The following PCDHA4 variants were observed in gnomAD, a reference collection of about 807,000 sequenced individuals.
PCDHA4 encodes the protein protocadherin alpha 4.
PCDHA4 carries 49 observed loss-of-function variants against 61.4 expected under a neutral mutation model. The observed-to-expected ratio is 0.80, with a 90% CI of 0.63 to 1.01. PCDHA4 has a LOEUF of 1.01. PCDHA4 is among the 50% of genes least tolerant of loss of function. The pLI is 0.00. For missense variants in PCDHA4, 1,254 were observed against 1,235.8 expected, an observed-to-expected ratio of 1.01 and a Z score of -0.22; for synonymous variants, 590 against 550.3, an observed-to-expected ratio of 1.07 and a Z score of -1.01.
chr5:140,951,365 A>G (rs987513388), intron 1 of PCDHA4, among the ~76,000 whole-genome samples: 17 of 152,160 alleles, frequency 1.1e-4, no homozygotes, highest in African/African-American at 4.1e-4. Context: ...ACTGTTATAA[A>G]GAAACACCCA....
At chr5:140,843,222 C>G in intron 1 of PCDHA4, 1 of 1,596,168 alleles carries the variant, frequency 6.3e-7, no homozygotes, top group Non-Finnish European at 8.6e-7. Flanking sequence ...ATCAGCACCA[C>G]TCGTGTCCTG....
intron 1 of PCDHA4, chr5:140,858,229 G>A (rs1335853818): frequency 6.3e-7 from 1 of 1,596,360 alleles, no homozygotes. Context: ...CGCCCACCGA[G>A]GGCGCATGTG....
chr5:140,858,871 T>A (rs1000901337), intron 1 of PCDHA4: 6 of 248,826 alleles, frequency 2.4e-5, no homozygotes, highest in African/African-American at 1.2e-4. Context: ...TGAAAATGTG[T>A]TTTCCTCCAT....
intron 1 of PCDHA4, among the ~76,000 whole-genome samples, chr5:140,900,073 G>C (rs1490261769): frequency 6.6e-6 from 1 of 152,072 alleles, no homozygotes; most frequent in South Asian, 2.1e-4. Context: ...GCCTCCAAAA[G>C]TGCTGCAGTT....
intron 1 of PCDHA4, among the ~76,000 whole-genome samples, chr5:140,963,188 G>A (rs1333064851): frequency 6.6e-6 from 1 of 151,712 alleles, no homozygotes; most frequent in African/African-American, 2.4e-5. Context: ...GCTGTAGACT[G>A]TGAAAATGAA....
intron 1 of PCDHA4, chr5:140,926,257 C>CT (rs1336723706): frequency 4.6e-5 from 7 of 152,300 alleles, no homozygotes; most frequent in African/African-American, 1.7e-4. Flanking sequence ...ACCGTCCCGC[C>CT]TCTCGCCGCC....
At chr5:140,858,256 G>T in intron 1 of PCDHA4, 1 of 1,596,658 alleles carries the variant, frequency 6.3e-7, no homozygotes. Flanking sequence ...TGAAGCCCAC[G>T]CTGGTGTGCT....
rs781863404 is a variant in PCDHA4, at chr5:141,010,259, G to C, written c.*322G>C. 6.4e-7 allele frequency: 1 copy of C among 1,551,820 alleles called. No individual in the cohort carries two copies. The highest frequency in any genetic ancestry group is 1.2e-5 in the South Asian group (1 of 84,074). On this transcript the variant is annotated 3_prime_UTR_variant, in exon 4 of 4. Coordinates refer to ENST00000530339, the MANE Select transcript of PCDHA4 (RefSeq NM_018907.4). Reference sequence around the variant, plus strand: ...TGAGAGGTTGGACTCTCTGCCCTGTGCTCCGGGGATCCTGTCTTGATGACA... The same window carrying C: ...TGAGAGGTTGGACTCTCTGCCCTGTCCTCCGGGGATCCTGTCTTGATGACA...
intron 1 of PCDHA4, chr5:140,882,952 G>A (rs782634608): frequency 3.7e-6 from 6 of 1,614,048 alleles, no homozygotes; most frequent in Non-Finnish European, 5.1e-6. Flanking sequence ...CAGTTCAGCT[G>A]CTCATCACGA....
intron 1 of PCDHA4, chr5:140,877,827 T>C (rs1554170143): frequency 1.2e-6 from 2 of 1,601,676 alleles, no homozygotes; most frequent in Middle Eastern, 1.7e-4. Flanking sequence ...ATTGTTTAAA[T>C]CCTCCCAGTG....
At chr5:140,882,538 C>T (rs782086663) in intron 1 of PCDHA4, 2 of 1,614,170 alleles carry the variant, frequency 1.2e-6, no homozygotes, top group Non-Finnish European at 1.7e-6. Flanking sequence ...ATTCTCGGAT[C>T]GACCGCGAGG....
At position 141,010,080 on chromosome 5, in the gene PCDHA4, G is replaced by C. The variant is rs2098415967; in HGVS notation, c.*143G>C. On this transcript the variant is annotated 3_prime_UTR_variant, in exon 4 of 4. Transcript: ENST00000530339. The stretch of plus-strand genomic sequence containing the variant: ...AATCTGCAGAAAGTTCCCTGTGTCT[G>C]TCTAGAACGCATTTAACAGGTTTTG... 1 of 1,611,462 alleles carries C rather than the reference G, an allele frequency of 6.2e-7. No homozygotes were observed. The highest frequency in any genetic ancestry group is 1.1e-5 in the South Asian group (1 of 90,590).
intron 1 of PCDHA4, chr5:140,928,490 CT>C: frequency 1.2e-6 from 2 of 1,614,150 alleles, no homozygotes; most frequent in Non-Finnish European, 1.7e-6. Context: ...GGTGGCATTC[CT>C]CCCAGAAGTG....
chr5:140,886,996 T>C (rs1554182808), intron 1 of PCDHA4, among the ~76,000 whole-genome samples: 1 of 152,182 alleles, frequency 6.6e-6, no homozygotes, highest in African/African-American at 2.4e-5. Flanking sequence ...AATTTCCAGT[T>C]GGTATCACTT....
At chr5:140,880,958 G>T (rs1208694420) in intron 1 of PCDHA4, among the ~76,000 whole-genome samples, 1 of 152,010 alleles carries the variant, frequency 6.6e-6, no homozygotes, top group African/African-American at 2.4e-5. Flanking sequence ...GGATGATGAG[G>T]GTAAGAGAAT....
At chr5:140,858,604 AT>A (rs2045515312) in intron 1 of PCDHA4, 6 of 1,276,538 alleles carry the variant, frequency 4.7e-6, no homozygotes, top group Non-Finnish European at 6.4e-6. Flanking sequence ...GAGTTTTAAA[AT>A]TTTTTTATCC....
intron 1 of PCDHA4, among the ~76,000 whole-genome samples, chr5:140,948,219 T>G (rs1285446038): frequency 6.6e-6 from 1 of 151,682 alleles, no homozygotes; most frequent in Non-Finnish European, 1.5e-5. Context: ...CAAACATTGT[T>G]AGATTTAACT....
At chr5:140,964,473 T>G (rs1457345251) in intron 1 of PCDHA4, among the ~76,000 whole-genome samples, 13 of 152,068 alleles carry the variant, frequency 8.5e-5, no homozygotes, top group African/African-American at 3.1e-4. Flanking sequence ...TGCCTATGAT[T>G]TTTTCACAGT....
chr5:141,000,828 G>A (rs1244334845), intron 3 of PCDHA4, among the ~76,000 whole-genome samples: 2 of 151,966 alleles, frequency 1.3e-5, no homozygotes, highest in African/African-American at 4.8e-5. Flanking sequence ...GATCACTTGA[G>A]TCCAGGAGAT....
Sources: allele counts gnomAD v4.1 joint callset (sites outside exome capture counted in the v4.1 genomes callset), GRCh38; gene constraint gnomAD v4.1.1; transcripts MANE v1.5; gene names NCBI Gene and HGNC (gene_info 2026-07-23, HGNC 2026-07-21).